Variants in GPC5 observed in about 807,000 individuals in gnomAD.
GPC5 encodes glypican-5.
Under a neutral mutation model 53.9 loss-of-function variants are expected in GPC5, and 47 were observed. That is an observed-to-expected ratio of 0.87 (90% CI 0.69 to 1.11). The LOEUF (loss-of-function observed/expected upper bound fraction) is 1.11. GPC5 is among the 50% of genes most tolerant of loss of function. The pLI, the probability that GPC5 is intolerant of heterozygous loss-of-function variation, is 0.00. For synonymous variants in GPC5, 286 were observed against 263.3 expected (o/e 1.09, Z -0.84); for missense variants, 748 against 713.1 (o/e 1.05, Z -0.56).
At chr13:91,749,381 T>G (rs1440694714) in intron 4 of GPC5, among the ~76,000 whole-genome samples, 1 of 152,246 alleles carries the variant, frequency 6.6e-6, no homozygotes, top group African/African-American at 2.4e-5. Context: ...GGCTGAGTAG[T>G]ATTCCATTGT....
intron 7 of GPC5, among the ~76,000 whole-genome samples, chr13:92,386,799 A>G (rs1463438522): frequency 6.6e-6 from 1 of 152,026 alleles, no homozygotes; most frequent in African/African-American, 2.4e-5. Context: ...TTCCATTTTT[A>G]CTTCTAATCC....
chr13:92,606,572 C>A (rs1773057908), intron 7 of GPC5, among the ~76,000 whole-genome samples: 1 of 152,110 alleles, frequency 6.6e-6, no homozygotes, highest in African/African-American at 2.4e-5. Flanking sequence ...TTTTTATAAA[C>A]TTGTAGAATG....
intron 6 of GPC5, among the ~76,000 whole-genome samples, chr13:91,921,778 TAA>T (rs765456378): frequency 9.1e-6 from 1 of 109,794 alleles, no homozygotes. Flanking sequence ...AGACTGCCTT[TAA>T]AAAAAAAAAA....
At position 92,078,217 on chromosome 13, in the gene GPC5, T is replaced by A. The variant is rs1230291022; in HGVS notation, c.1402-66613T>A. Among the ~76,000 whole-genome samples the A allele has an allele frequency of 8.5e-5, 13 of 152,188 alleles. No individual in the cohort carries two copies. In the East Asian group the frequency reaches 2.5e-3, roughly 29 times the overall value. On this transcript the variant is annotated intron_variant, in intron 6 of 7. Transcript: ENST00000377067. ...ATATTCTTTAGCAATTCATCCAATT[T>A]CCCTCTGGAAGAGATTCAGGACAAA... is the stretch of plus-strand genomic sequence containing the variant.
chr13:91,694,999 C>A (rs2035849432), intron 3 of GPC5, among the ~76,000 whole-genome samples: 1 of 152,188 alleles, frequency 6.6e-6, no homozygotes, highest in African/African-American at 2.4e-5. Context: ...GCGTTTTCCC[C>A]TTCTCTTCCT....
chr13:92,080,923 C>T (rs983358598), intron 6 of GPC5, among the ~76,000 whole-genome samples: 3 of 152,174 alleles, frequency 2.0e-5, no homozygotes, highest in Non-Finnish European at 4.4e-5. Context: ...TAAATCACAG[C>T]GCTTGAGCAC....
intron 7 of GPC5, among the ~76,000 whole-genome samples, chr13:92,855,021 A>C (rs982310858): frequency 3.3e-5 from 5 of 152,014 alleles, no homozygotes; most frequent in African/African-American, 9.7e-5. Flanking sequence ...TTTCAGGTCT[A>C]ACATTTAAAT....
chr13:91,945,259 C>T (rs1390183221), intron 6 of GPC5, among the ~76,000 whole-genome samples: 1 of 152,160 alleles, frequency 6.6e-6, no homozygotes, highest in Admixed American at 6.5e-5. Flanking sequence ...TTCAGTCCCC[C>T]TTGTTCTCTT....
chr13:92,713,444 A>T lies in GPC5; in HGVS notation c.1562-152838A>T, dbSNP rs1888213286. ...CGGCTCTACTAAAAAAAAAAAAAAA[A>T]AAATACAAAAAAAATTAGCTGGGTG... On this transcript the variant is annotated intron_variant, in intron 7 of 7. Transcript: ENST00000377067. Among the ~76,000 whole-genome samples, 4 of 150,646 alleles carry T rather than the reference A, an allele frequency of 2.7e-5. No homozygotes were observed. In the South Asian group the frequency reaches 8.4e-4, roughly 32 times the overall value.
chr13:92,633,114 C>G (rs577815224), intron 7 of GPC5, among the ~76,000 whole-genome samples: 5 of 152,144 alleles, frequency 3.3e-5, no homozygotes, highest in Admixed American at 6.5e-5. Flanking sequence ...TGGTCATGAA[C>G]TCCTGACCTC....
At chr13:91,627,508 G>A (rs950448604) in intron 2 of GPC5, among the ~76,000 whole-genome samples, 2 of 151,958 alleles carry the variant, frequency 1.3e-5, no homozygotes, top group Non-Finnish European at 2.9e-5. Flanking sequence ...GATTGTAATT[G>A]TCACTCTCCA....
intron 2 of GPC5, among the ~76,000 whole-genome samples, chr13:91,656,179 T>C (rs991805081): frequency 1.3e-5 from 2 of 152,128 alleles, no homozygotes; most frequent in African/African-American, 4.8e-5. Flanking sequence ...AGAGGCAGCG[T>C]GGAGTAATTA....
At chr13:92,478,926 A>G (rs751849388) in intron 7 of GPC5, among the ~76,000 whole-genome samples, 7 of 152,164 alleles carry the variant, frequency 4.6e-5, no homozygotes, top group Non-Finnish European at 7.4e-5. Flanking sequence ...GATTGAAGGC[A>G]TATCTACTCT....
intron 7 of GPC5, among the ~76,000 whole-genome samples, chr13:92,581,693 G>T (rs1375170675): frequency 2.6e-5 from 4 of 152,030 alleles, no homozygotes; most frequent in Non-Finnish European, 4.4e-5. Flanking sequence ...CAGTTAAAAA[G>T]TTTCCCCTTT....
At chr13:91,571,828 T>TGTGTGTGTGTACAC (rs2031824011) in intron 2 of GPC5, among the ~76,000 whole-genome samples, 4 of 64,854 alleles carry the variant, frequency 6.2e-5, no homozygotes, top group Admixed American at 5.9e-4. Flanking sequence ...TGTGTATATA[T>TGTGTGTGTGTACAC]ACACATATAC....
intron 7 of GPC5, among the ~76,000 whole-genome samples, chr13:92,386,952 A>G (rs1476236885): frequency 6.6e-6 from 1 of 152,046 alleles, no homozygotes; most frequent in East Asian, 1.9e-4. Context: ...TTTGGAATTC[A>G]ATTTCCAGTT....
intron 2 of GPC5, among the ~76,000 whole-genome samples, chr13:91,526,236 A>G (rs921793899): frequency 4.6e-5 from 7 of 152,212 alleles, no homozygotes; most frequent in African/African-American, 1.4e-4. Flanking sequence ...CAACTGTTTC[A>G]CAAGTTGTCG....
intron 6 of GPC5, among the ~76,000 whole-genome samples, chr13:91,973,788 G>A (rs1309971162): frequency 6.6e-6 from 1 of 152,284 alleles, no homozygotes; most frequent in South Asian, 2.1e-4. Flanking sequence ...AGCGGTGGCT[G>A]TAGAACAGTG....
intron 2 of GPC5, among the ~76,000 whole-genome samples, chr13:91,494,240 C>A (rs1027790964): frequency 2.6e-5 from 4 of 151,698 alleles, no homozygotes; most frequent in African/African-American, 9.7e-5. Context: ...CTTGCAAAGG[C>A]CAGCCCTTGT....
Sources: gnomAD v4.1 joint callset for allele counts (sites outside exome capture counted in the v4.1 genomes callset) on GRCh38, gnomAD v4.1.1 for gene constraint, MANE v1.5 for transcripts, NCBI Gene and HGNC (gene_info 2026-07-23, HGNC 2026-07-21) for gene names.